The following BTG4 variants were observed in gnomAD, a reference collection of about 807,000 sequenced individuals.
BTG4 encodes BTG anti-proliferation factor 4, also known as protein BTG4.
BTG4 carries 10 observed loss-of-function variants against 19.3 expected under a neutral mutation model. The ratio of observed to expected loss-of-function variants is 0.52; its 90% CI spans 0.32 to 0.88. BTG4 has a LOEUF of 0.88. Among genes scored for constraint, BTG4 ranks in the 40% least tolerant of loss-of-function variants. BTG4 has a pLI of 0.04. For synonymous variants in BTG4, 91 were observed against 95.7 expected (o/e 0.95, Z 0.29); for missense variants, 238 against 281.9 (o/e 0.84, Z 1.11).
At chr11:111,492,247 C>T, downstream of BTG4, among the ~76,000 whole-genome samples, 1 of 152,198 alleles carries the variant, frequency 6.6e-6, no homozygotes, top group East Asian at 1.9e-4. Flanking sequence ...TTTAAACCAA[C>T]CTTGCAAACT....
chr11:111,491,205 A>C (rs1460938012), downstream of BTG4, among the ~76,000 whole-genome samples: 1 of 152,202 alleles, frequency 6.6e-6, no homozygotes, highest in Admixed American at 6.5e-5. Context: ...AGTGGTTGCC[A>C]AGGGGTTAAG....
the BTG4 span, among the ~76,000 whole-genome samples, chr11:111,388,589 T>C: frequency 6.6e-6 from 1 of 152,200 alleles, no homozygotes; most frequent in African/African-American, 2.4e-5. Context: ...AGGAGGGATC[T>C]TGGCTTCACG....
At chr11:111,386,253 C>G in the BTG4 span, 1 of 152,250 alleles carries the variant, frequency 6.6e-6, no homozygotes, top group Non-Finnish European at 1.5e-5. Context: ...ATATAACTTA[C>G]ATCATGTAAT....
chr11:111,392,999 A>G, the BTG4 span, among the ~76,000 whole-genome samples: 1 of 152,224 alleles, frequency 6.6e-6, no homozygotes, highest in African/African-American at 2.4e-5. Context: ...GTCTTATGGT[A>G]CTGCCTGAAC....
At chr11:111,405,349 ACCC>A in the BTG4 span, among the ~76,000 whole-genome samples, 1 of 136,496 alleles carries the variant, frequency 7.3e-6, no homozygotes, top group Non-Finnish European at 1.5e-5. Flanking sequence ...GGGTGTGGTG[ACCC>A]AAGATTACGC....
At chr11:111,505,004 G>C (rs959386302) in intron 1 of BTG4, among the ~76,000 whole-genome samples, 3 of 151,904 alleles carry the variant, frequency 2.0e-5, no homozygotes, top group Non-Finnish European at 4.4e-5. Context: ...TCCATGCTAT[G>C]AATTGGAAGA....
chr11:111,439,954 GCAAA>G, the BTG4 span, among the ~76,000 whole-genome samples: 1 of 152,186 alleles, frequency 6.6e-6, no homozygotes, highest in Non-Finnish European at 1.5e-5. Context: ...TTTTTGTGTA[GCAAA>G]CAATCTCAAA....
chr11:111,421,317 T>C, the BTG4 span, among the ~76,000 whole-genome samples: 18 of 152,346 alleles, frequency 1.2e-4, no homozygotes, highest in South Asian at 3.7e-3. Flanking sequence ...CTTTACCTAA[T>C]GTTGCCTCCA....
the BTG4 span, among the ~76,000 whole-genome samples, chr11:111,400,129 C>CAGTGGGA: frequency 1.3e-5 from 2 of 152,128 alleles, no homozygotes; most frequent in Non-Finnish European, 2.9e-5. Context: ...CCCAGCCTCC[C>CAGTGGGA]ACTGACTGGC....
chr11:111,492,076 T>C (rs1314050787), downstream of BTG4, among the ~76,000 whole-genome samples: 1 of 152,134 alleles, frequency 6.6e-6, no homozygotes. Context: ...TGAGTACCAA[T>C]TTGGAACAAT....
the BTG4 span, chr11:111,458,045 G>A: frequency 4.6e-5 from 7 of 152,780 alleles, no homozygotes; most frequent in Admixed American, 1.3e-4. Flanking sequence ...GCAAGTGATT[G>A]CAGTGCTTCA....
intron 1 of BTG4, 128 bp from the exon 2 acceptor site, chr11:111,498,930 C>T: frequency 1.6e-6 from 1 of 615,646 alleles, no homozygotes; most frequent in Admixed American, 3.4e-5. Context: ...AGAAAGAAGT[C>T]CTTAGTAAAC....
chr11:111,415,145 C>T, the BTG4 span, among the ~76,000 whole-genome samples: 1 of 152,176 alleles, frequency 6.6e-6, no homozygotes, highest in South Asian at 2.1e-4. Context: ...CAGGTGGCAA[C>T]TGCACCTGCC....
Position 111,495,192 on chromosome 11 carries a change from A to G in BTG4, c.633T>C (p.Cys211=), listed in dbSNP as rs1346453431. The change falls in exon 5 of 5, where the codon TGT becomes TGC. Residue 211 remains cysteine (C), a synonymous_variant. Coordinates refer to ENST00000692032, the MANE Select transcript of BTG4 (RefSeq NM_001367975.1). ...TYHGSQKHPK[C]YRPAMHRLDR... is the part of the protein sequence containing the mutation. ...CCAGCCGGTGCATAGCAGGCCTGTA[A>G]CACTTAGGATGCTTCTGCGAGCCAT... 1 of 1,608,932 alleles carries G rather than the reference A, an allele frequency of 6.2e-7. No individual in the cohort carries two copies. The highest frequency in any genetic ancestry group is 1.1e-5 in the South Asian group (1 of 89,866).
the BTG4 span, among the ~76,000 whole-genome samples, chr11:111,435,329 G>A: frequency 6.6e-6 from 1 of 152,092 alleles, no homozygotes; most frequent in African/African-American, 2.4e-5. Context: ...GAGAATCCAA[G>A]GTCTCTTGAG....
chr11:111,393,792 A>G, the BTG4 span, among the ~76,000 whole-genome samples: 1 of 152,204 alleles, frequency 6.6e-6, no homozygotes, highest in African/African-American at 2.4e-5. Context: ...GAAAAGCTTC[A>G]TGCAAATGTG....
chr11:111,445,217 A>T, the BTG4 span, among the ~76,000 whole-genome samples: 1 of 152,208 alleles, frequency 6.6e-6, no homozygotes, highest in South Asian at 2.1e-4. Context: ...TCTGAGCCTC[A>T]GTTTCCTCAT....
the BTG4 span, among the ~76,000 whole-genome samples, chr11:111,448,986 G>A: frequency 6.6e-6 from 1 of 152,060 alleles, no homozygotes; most frequent in Non-Finnish European, 1.5e-5. Context: ...CAGACTTTAT[G>A]TTGCTTTTTG....
At chr11:111,445,073 C>A in the BTG4 span, among the ~76,000 whole-genome samples, 2 of 152,282 alleles carry the variant, frequency 1.3e-5, no homozygotes, top group Admixed American at 6.5e-5. Context: ...CCAACGGCTA[C>A]CCTCATGGTA....
Sources: allele counts gnomAD v4.1 joint callset (sites outside exome capture counted in the v4.1 genomes callset), GRCh38; gene constraint gnomAD v4.1.1; transcripts MANE v1.5; gene names NCBI Gene and HGNC (gene_info 2026-07-23, HGNC 2026-07-21).